GLI3: variants seen among roughly 807,000 people sequenced by gnomAD.
GLI3 encodes the protein GLI family zinc finger 3.
In GLI3, 20 loss-of-function variants were observed where a neutral mutation model predicts 100.8. The ratio of observed to expected loss-of-function variants is 0.20; its 90% CI spans 0.14 to 0.29. The LOEUF (loss-of-function observed/expected upper bound fraction) is 0.29, where lower values mean the gene tolerates loss of function less well. Among genes scored for constraint, GLI3 ranks in the 10% least tolerant of loss-of-function variants. The probability of loss-of-function intolerance (pLI) is 1.00; values close to 1 mark genes in which losing one functional copy is unlikely to be tolerated. For missense variants in GLI3, 2,040 were observed against 2,128.5 expected, an observed-to-expected ratio of 0.96 and a Z score of 0.82; for synonymous variants, 938 against 860.5, an observed-to-expected ratio of 1.09 and a Z score of -1.58.
intron 14 of GLI3, among the ~76,000 whole-genome samples, chr7:41,967,362 T>G (rs1787213122): frequency 6.6e-6 from 1 of 152,112 alleles, no homozygotes; most frequent in Non-Finnish European, 1.5e-5. Context: ...GATTTCACCA[T>G]CAGAATATGA....
chr7:42,142,244 A>G (rs1373083432), intron 3 of GLI3, among the ~76,000 whole-genome samples: 2 of 152,190 alleles, frequency 1.3e-5, no homozygotes, highest in African/African-American at 4.8e-5. Flanking sequence ...TAACTGGTCC[A>G]GGAGAAACAA....
At chr7:42,124,564 T>C (rs1162007952) in intron 3 of GLI3, among the ~76,000 whole-genome samples, 3 of 152,202 alleles carry the variant, frequency 2.0e-5, no homozygotes, top group Non-Finnish European at 4.4e-5. Context: ...GTACTATTAG[T>C]AATTCTCAGA....
chr7:42,058,150 CA>C (rs1784500171), intron 4 of GLI3, among the ~76,000 whole-genome samples: 1 of 151,994 alleles, frequency 6.6e-6, no homozygotes, highest in African/African-American at 2.4e-5. Flanking sequence ...AGAAAACTGG[CA>C]CAAAAGAATA....
At chr7:42,104,259 C>T (rs1382886963) in intron 3 of GLI3, among the ~76,000 whole-genome samples, 2 of 152,192 alleles carry the variant, frequency 1.3e-5, no homozygotes, top group East Asian at 3.8e-4. Context: ...GAAGATAATG[C>T]ATCACGTAAA....
chr7:42,204,220 ATCC>A (rs1788103015), intron 2 of GLI3, among the ~76,000 whole-genome samples: 1 of 150,372 alleles, frequency 6.7e-6, no homozygotes, highest in Non-Finnish European at 1.5e-5. Flanking sequence ...CTCTGCCTCC[ATCC>A]TCCTCTCCCC....
intron 3 of GLI3, among the ~76,000 whole-genome samples, chr7:42,102,091 G>A (rs1785476911): frequency 6.6e-6 from 1 of 151,720 alleles, no homozygotes; most frequent in African/African-American, 2.4e-5. Flanking sequence ...ATCATTGTTG[G>A]ACATTTGGGT....
intron 13 of GLI3, among the ~76,000 whole-genome samples, chr7:41,970,833 G>A (rs1787343994): frequency 6.6e-6 from 1 of 152,092 alleles, no homozygotes; most frequent in African/African-American, 2.4e-5. Flanking sequence ...AAACACGTGA[G>A]GATAAACCGT....
In GLI3 at chr7:42,080,775, C is replaced by T. The variant is rs374130797; in HGVS notation, c.368-3918G>A. On this transcript the variant is annotated intron_variant, in intron 3 of 14. Transcript: ENST00000395925. ...CCTCAAACGTTGAGTACTTGCCTTGCTGGTGTCTTGGTTTGTCGTTTCTAT... is the reference window on the plus strand; with the variant it reads ...CCTCAAACGTTGAGTACTTGCCTTGTTGGTGTCTTGGTTTGTCGTTTCTAT... 1.2e-3 allele frequency among the ~76,000 whole-genome samples: 180 copies of T among 152,284 alleles called. 5 individuals are homozygous for T. In the South Asian group the frequency reaches 0.036, roughly 31 times the overall value.
At chr7:42,192,334 C>T (rs568541700) in intron 2 of GLI3, among the ~76,000 whole-genome samples, 1 of 152,262 alleles carries the variant, frequency 6.6e-6, no homozygotes, top group South Asian at 2.1e-4. Context: ...ACACTTGGGT[C>T]CATGCAGCAT....
chr7:42,193,300 G>A (rs1046823112), intron 2 of GLI3, among the ~76,000 whole-genome samples: 3 of 151,912 alleles, frequency 2.0e-5, no homozygotes, highest in African/African-American at 7.3e-5. Context: ...TAAACAATGA[G>A]CCCATTCAAA....
In GLI3 at chr7:42,076,734, GA is replaced by G. The variant is rs749192065; in HGVS notation, c.473+17del. The G allele has an allele frequency of 7.0e-7, 1 of 1,437,008 alleles. No individual in the cohort carries two copies. The highest frequency in any genetic ancestry group is 1.1e-5 in the South Asian group (1 of 87,622). 89.0% of individuals were successfully genotyped at this position (1,437,008 alleles called of 1,614,324 possible). A position where few individuals can be genotyped will look rare whatever the true frequency, so the allele number is the denominator to read the frequency against. On this transcript the variant is annotated intron_variant, in intron 4 of 14. Transcript: ENST00000395925. ...CATCTCGTTCCATTTCATTAATGAAGAAAGTGTTAATACTTACATATGCAAT... is the reference window on the plus strand; with the variant it reads ...CATCTCGTTCCATTTCATTAATGAAGAAGTGTTAATACTTACATATGCAAT...
chr7:42,026,817 C>T (rs550339248), intron 7 of GLI3, among the ~76,000 whole-genome samples: 52 of 152,338 alleles, frequency 3.4e-4, no homozygotes, highest in African/African-American at 1.1e-3. Flanking sequence ...TGCACGCTTT[C>T]ATATGTCTCC....
At chr7:42,179,502 G>T (rs1186601508) in intron 2 of GLI3, among the ~76,000 whole-genome samples, 1 of 152,156 alleles carries the variant, frequency 6.6e-6, no homozygotes, top group African/African-American at 2.4e-5. Flanking sequence ...ATTTGTAAAG[G>T]CTCACTGTGT....
At chr7:42,253,111 T>C (rs553670024) in intron 1 of GLI3, among the ~76,000 whole-genome samples, 2 of 152,322 alleles carry the variant, frequency 1.3e-5, no homozygotes, top group Non-Finnish European at 2.9e-5. Flanking sequence ...AGACGCCTTG[T>C]AGCTAGCTGA....
At chr7:42,181,776 A>G (rs1787599339) in intron 2 of GLI3, among the ~76,000 whole-genome samples, 1 of 152,186 alleles carries the variant, frequency 6.6e-6, no homozygotes, top group South Asian at 2.1e-4. Context: ...TTTTGCAAAA[A>G]GATAATGGCC....
At position 42,258,394 on chromosome 7, in the gene GLI3, C is replaced by A. The variant is rs190922414; in HGVS notation, c.-43+5600G>T. Among the ~76,000 whole-genome samples, 5 of 152,244 alleles carry A rather than the reference C, an allele frequency of 3.3e-5. No individual in the cohort carries two copies. The East Asian group carries it at 9.6e-4, about 29-fold the overall frequency. ...ATGTTAATGAAGGAGTGTAGAGATACATCTGTCTAATCTTTGTATTGGCTC... is the reference window on the plus strand; with the variant it reads ...ATGTTAATGAAGGAGTGTAGAGATAAATCTGTCTAATCTTTGTATTGGCTC... On this transcript the variant is annotated intron_variant, in intron 1 of 2. Coordinates refer to the GLI3 transcript ENST00000678978.
At chr7:42,121,186 C>G (rs1314675216) in intron 3 of GLI3, among the ~76,000 whole-genome samples, 1 of 152,198 alleles carries the variant, frequency 6.6e-6, no homozygotes, top group Non-Finnish European at 1.5e-5. Flanking sequence ...CCAAATTGTT[C>G]TACGTAATAC....
intron 4 of GLI3, 83 bp from the exon 5 acceptor site, chr7:42,048,779 A>C: frequency 1.1e-6 from 1 of 931,362 alleles, no homozygotes; most frequent in South Asian, 1.4e-5. Flanking sequence ...AAAGAAAATA[A>C]GTAAGATTTT....
chr7:42,018,360 C>T (rs1263493077), intron 10 of GLI3, among the ~76,000 whole-genome samples: 2 of 152,088 alleles, frequency 1.3e-5, no homozygotes, highest in African/African-American at 4.8e-5. Flanking sequence ...TTTATGTGCA[C>T]ACAAAACTAA....
Sources: gnomAD v4.1 joint callset for allele counts (sites outside exome capture counted in the v4.1 genomes callset) on GRCh38, gnomAD v4.1.1 for gene constraint, MANE v1.5 for transcripts, NCBI Gene and HGNC (gene_info 2026-07-23, HGNC 2026-07-21) for gene names.